FLNB: variants seen among roughly 807,000 people sequenced by gnomAD.
FLNB encodes filamin-B.
FLNB carries 111 observed loss-of-function variants against 250.6 expected under a neutral mutation model. The ratio of observed to expected loss-of-function variants is 0.44; its 90% confidence interval spans 0.38 to 0.52. The LOEUF (loss-of-function observed/expected upper bound fraction) is 0.52, where lower values mean the gene tolerates loss of function less well. Among genes scored for constraint, FLNB ranks in the 20% least tolerant of loss-of-function variants. FLNB has a pLI of 0.00. For synonymous variants in FLNB, 1,302 were observed against 1,372.1 expected (o/e 0.95, Z 1.13); for missense variants, 2,869 against 3,447.8 (o/e 0.83, Z 4.20).
At chr3:58,161,807 C>T (rs754905163) in intron 42 of FLNB, among the ~76,000 whole-genome samples, 1 of 152,150 alleles carries the variant, frequency 6.6e-6, no homozygotes, top group African/African-American at 2.4e-5. Flanking sequence ...AGGATGGCTG[C>T]AGCAGCACCA....
chr3:58,145,181 G>C (rs192537962), intron 32 of FLNB, among the ~76,000 whole-genome samples: 3 of 152,332 alleles, frequency 2.0e-5, no homozygotes, highest in Admixed American at 1.3e-4. Flanking sequence ...CTGCTGGTGT[G>C]AGTTGTGTAT....
intron 1 of FLNB, among the ~76,000 whole-genome samples, chr3:58,040,644 C>G (rs2106797720): frequency 6.6e-6 from 1 of 152,222 alleles, no homozygotes; most frequent in South Asian, 2.1e-4. Flanking sequence ...ATAGGCGCAT[C>G]CTGCCATGCC....
intron 18 of FLNB, among the ~76,000 whole-genome samples, chr3:58,117,675 G>A (rs1378353354): frequency 6.6e-6 from 1 of 150,990 alleles, no homozygotes; most frequent in Non-Finnish European, 1.5e-5. Context: ...TGTTGAATTT[G>A]ACCTGTACAC....
chr3:58,080,494 A>ATTT (rs5849235), intron 3 of FLNB, among the ~76,000 whole-genome samples: 5 of 129,610 alleles, frequency 3.9e-5, no homozygotes, highest in African/African-American at 1.1e-4. Flanking sequence ...CCCATTCCCT[A>ATTT]TTTTTTTTTT....
Position 58,148,352 on chromosome 3 carries a change from A to G in FLNB, c.5875A>G (p.Asn1959Asp). 6.2e-7 allele frequency: 1 copy of G among 1,613,782 alleles called. No individual in the cohort carries two copies. Among genetic ancestry groups the G allele is most frequent in the Non-Finnish European group, 8.5e-7 (1 of 1,179,888 alleles). The part of the protein sequence containing the change: ...DEPCLLKRLP[N>D]NHIGISFIPR... ...GCCCTGTCTCCTGAAGAGGCTGCCC[A>G]ACAACCACATTGGTGAGCTAGGCTA... is the stretch of plus-strand genomic sequence containing the variant. Residue 1959 changes from asparagine (N) to aspartate (D), a missense_variant, in exon 35 of 46, where the codon AAC (asparagine) becomes GAC (aspartate). Asn to Asp is a conservative substitution (Grantham distance 23). This residue lies in a region of FLNB where 1,084 missense variants were observed against 1,315.5 expected (regional missense o/e 0.82). Transcript: ENST00000295956.
intron 1 of FLNB, among the ~76,000 whole-genome samples, chr3:58,017,686 T>C (rs2097107756): frequency 6.6e-6 from 1 of 152,212 alleles, no homozygotes; most frequent in African/African-American, 2.4e-5. Flanking sequence ...AGATGGTTGT[T>C]GTAACTCTTC....
chr3:58,030,766 C>T (rs562393311), intron 1 of FLNB, among the ~76,000 whole-genome samples: 1 of 152,122 alleles, frequency 6.6e-6, no homozygotes, highest in East Asian at 1.9e-4. Context: ...CCCAGCTACT[C>T]GGGTGGCTGA....
chr3:58,126,746 A>T lies in FLNB; in HGVS notation c.4206A>T (p.Gly1402=), dbSNP rs753159997. ...ATTACGATGTTAATATCACATATGG[A>T]GGAGCCCACATCCCCGGTGAGCTAT... ...PGDYDVNITY[G]GAHIPGSPFR... Residue 1402 remains glycine, a synonymous_variant, in exon 24 of 46, where the codon GGA becomes GGT. Transcript: ENST00000295956. 2.5e-6 allele frequency: 4 copies of T among 1,613,744 alleles called. No homozygotes were observed. In the Admixed American group the frequency reaches 6.7e-5, roughly 27 times the overall value.
intron 19 of FLNB, among the ~76,000 whole-genome samples, chr3:58,120,425 C>T (rs2097286690): frequency 6.6e-6 from 1 of 152,216 alleles, no homozygotes; most frequent in Admixed American, 6.5e-5. Context: ...TTGCCAGGCC[C>T]TATGTTCCTT....
intron 19 of FLNB, among the ~76,000 whole-genome samples, chr3:58,120,322 A>G (rs1396411242): frequency 6.6e-6 from 1 of 152,254 alleles, no homozygotes; most frequent in Non-Finnish European, 1.5e-5. Context: ...TGACTCCAGA[A>G]CAGGAAAAGC....
chr3:58,105,276 C>G lies in FLNB; in HGVS notation c.1747+60C>G, dbSNP rs972679475. ...GACTGAGGATTACAGGGCTTCCGGG[C>G]TGTGTCAGGCTGGATGTTGGGGCCT... On this transcript the variant is annotated intron_variant, in intron 11 of 45. Coordinates refer to ENST00000295956, the MANE Select transcript of FLNB (RefSeq NM_001457.4). 1.9e-6 allele frequency: 3 copies of G among 1,607,468 alleles called. No homozygotes were observed. The African/African-American group carries it at 4.0e-5, about 22-fold the overall frequency.
intron 29 of FLNB, among the ~76,000 whole-genome samples, chr3:58,139,819 G>A (rs1174854981): frequency 6.6e-6 from 1 of 152,158 alleles, no homozygotes; most frequent in African/African-American, 2.4e-5. Flanking sequence ...GAGCAGCCAA[G>A]CACTGAGCAG....
intron 42 of FLNB, chr3:58,162,713 C>A: frequency 8.7e-6 from 2 of 229,876 alleles, no homozygotes; most frequent in South Asian, 6.3e-5. Flanking sequence ...CTGAGTAAGC[C>A]GCTGCGGAGC....
intron 18 of FLNB, among the ~76,000 whole-genome samples, chr3:58,117,801 T>C (rs1286297606): frequency 4.6e-5 from 7 of 150,886 alleles, no homozygotes; most frequent in Non-Finnish European, 8.9e-5. Flanking sequence ...TTTTTTTTTT[T>C]TTTTCTTGGC....
chr3:58,114,697 T>C (rs1335754945), intron 18 of FLNB, among the ~76,000 whole-genome samples: 1 of 93,276 alleles, frequency 1.1e-5, no homozygotes, highest in East Asian at 2.0e-4. Flanking sequence ...CTAACATTTG[T>C]TTTTTTTCTG....
At chr3:58,054,744 G>A (rs868250970) in intron 1 of FLNB, among the ~76,000 whole-genome samples, 21 of 152,216 alleles carry the variant, frequency 1.4e-4, no homozygotes, top group African/African-American at 4.8e-4. Flanking sequence ...ATTTGGGTGG[G>A]GACATAGCCA....
Position 58,035,851 on chromosome 3 carries a change from G to A in FLNB, c.292+26995G>A, listed in dbSNP as rs376068559. Among the ~76,000 whole-genome samples the A allele has an allele frequency of 2.0e-5, 3 of 152,308 alleles. No homozygotes were observed. In the East Asian group the frequency reaches 5.8e-4, roughly 29 times the overall value. On this transcript the variant is annotated intron_variant, in intron 1 of 45. Coordinates refer to ENST00000295956, the MANE Select transcript of FLNB (RefSeq NM_001457.4). ...TCAGCTACGTGTGAAGTTTGGCTCA[G>A]TACAACATTCTCGGCCTGGGGCGGC...
rs771766815 is a variant in FLNB at position 58,094,892 on chromosome 3, A to G, written c.844A>G (p.Ile282Val). ...GCCAGCCAAGTTCACTGTGGACACC[A>G]TCAGCGCCGGGCAAGGAGACGTGAT... ...KQPAKFTVDT[I>V]SAGQGDVMVF... The change falls in exon 5 of 46, where the codon ATC becomes GTC. Residue 282 changes from isoleucine to valine, a missense_variant. Coordinates refer to ENST00000295956, the MANE Select transcript of FLNB (RefSeq NM_001457.4). 1 of 1,614,172 alleles carries G rather than the reference A, an allele frequency of 6.2e-7. No individual in the cohort carries two copies. Among genetic ancestry groups the G allele is most frequent in the Non-Finnish European group, 8.5e-7 (1 of 1,180,024 alleles).
chr3:58,091,834 G>A (rs752241576), intron 4 of FLNB, among the ~76,000 whole-genome samples: 19 of 152,104 alleles, frequency 1.2e-4, no homozygotes, highest in African/African-American at 2.4e-4. Context: ...AAAGCCACCC[G>A]GACACCGTCT....
Sources: allele counts gnomAD v4.1 joint callset (sites outside exome capture counted in the v4.1 genomes callset), GRCh38; gene constraint gnomAD v4.1.1; regional missense constraint gnomAD v4.1.1; transcripts MANE v1.5; gene names NCBI Gene and HGNC (gene_info 2026-07-23, HGNC 2026-07-21).